CDH4: variants seen among roughly 807,000 people sequenced by gnomAD.
CDH4 encodes the protein cadherin 4.
CDH4 carries 33 observed loss-of-function variants against 86.0 expected under a neutral mutation model. That is an observed-to-expected ratio of 0.38 (90% CI 0.29 to 0.51). The LOEUF is 0.51. CDH4 is among the 20% of genes least tolerant of loss of function. The pLI, the probability that CDH4 is intolerant of heterozygous loss-of-function variation, is 0.86. For missense variants in CDH4, 1,114 were observed against 1,307.4 expected (o/e 0.85, Z 2.28); for synonymous variants, 555 against 549.4 (o/e 1.01, Z -0.14).
At position 61,444,600 on chromosome 20, in the gene CDH4, T is replaced by G. The variant is rs535384027; in HGVS notation, c.169+189663T>G. ...GTCTGTGTGTATATCTGTGTGTATATGTATGTGTGTTTCTCTGTGTGTGTG... is the reference window on the plus strand; with the variant it reads ...GTCTGTGTGTATATCTGTGTGTATAGGTATGTGTGTTTCTCTGTGTGTGTG... On this transcript the variant is annotated intron_variant, in intron 2 of 15. Transcript: ENST00000614565. 2.4e-4 allele frequency among the ~76,000 whole-genome samples: 31 copies of G among 127,098 alleles called. No homozygotes were observed. The East Asian group carries it at 7.7e-3, about 32-fold the overall frequency. The allele number at this position is 127,098 out of a possible 152,430, so 83.4% of individuals were successfully genotyped here.
chr20:61,373,360 G>T (rs926861063), intron 2 of CDH4, among the ~76,000 whole-genome samples: 4 of 152,244 alleles, frequency 2.6e-5, no homozygotes, highest in African/African-American at 9.6e-5. Context: ...TGCACCCGTT[G>T]AATGAAATGG....
chr20:61,636,033 G>A (rs1007133949), intron 2 of CDH4, among the ~76,000 whole-genome samples: 12 of 152,228 alleles, frequency 7.9e-5, no homozygotes, highest in African/African-American at 2.4e-4. Context: ...CAGGCAGGAC[G>A]CCAGCGGCTG....
At chr20:61,898,610 G>A (rs1194932203) in intron 8 of CDH4, among the ~76,000 whole-genome samples, 2 of 152,130 alleles carry the variant, frequency 1.3e-5, no homozygotes, top group Non-Finnish European at 2.9e-5. Context: ...CCACACACAT[G>A]CTCACGGAGG....
chr20:61,450,914 A>G (rs1380482296), intron 2 of CDH4, among the ~76,000 whole-genome samples: 1 of 151,742 alleles, frequency 6.6e-6, no homozygotes, highest in Non-Finnish European at 1.5e-5. Context: ...TAAATCCTGG[A>G]GCTGTGGACC....
At chr20:61,584,072 C>T (rs1173256781) in intron 2 of CDH4, among the ~76,000 whole-genome samples, 1 of 152,170 alleles carries the variant, frequency 6.6e-6, no homozygotes, top group Non-Finnish European at 1.5e-5. Context: ...AGGCATGAGA[C>T]TCACTTGAAC....
chr20:61,755,892 G>A (rs1487436213), intron 3 of CDH4, among the ~76,000 whole-genome samples: 1 of 152,194 alleles, frequency 6.6e-6, no homozygotes, highest in Non-Finnish European at 1.5e-5. Context: ...ACCAAACTCA[G>A]TCTGAAAAAG....
chr20:61,525,342 C>T (rs985592584), intron 2 of CDH4, among the ~76,000 whole-genome samples: 5 of 152,164 alleles, frequency 3.3e-5, no homozygotes, highest in African/African-American at 1.2e-4. Flanking sequence ...TGCAGCACTT[C>T]CTTGGGTTTG....
chr20:61,601,931 A>G (rs2086603917), intron 2 of CDH4, among the ~76,000 whole-genome samples: 1 of 152,230 alleles, frequency 6.6e-6, no homozygotes, highest in Admixed American at 6.5e-5. Context: ...AGACAGGAGC[A>G]TACCAGGAGG....
intron 2 of CDH4, among the ~76,000 whole-genome samples, chr20:61,270,489 C>G (rs796987189): frequency 5.3e-5 from 8 of 152,286 alleles, no homozygotes; most frequent in African/African-American, 1.9e-4. Context: ...AATTATAGAA[C>G]TTATGTTTTC....
At chr20:61,430,412 G>T (rs951861921) in intron 2 of CDH4, among the ~76,000 whole-genome samples, 2 of 152,160 alleles carry the variant, frequency 1.3e-5, no homozygotes, top group African/African-American at 2.4e-5. Context: ...CATTTATAGT[G>T]CAGAAGCTTG....
intron 3 of CDH4, among the ~76,000 whole-genome samples, chr20:61,770,226 C>T (rs4925198): frequency 6.6e-6 from 1 of 152,174 alleles, no homozygotes; most frequent in African/African-American, 2.4e-5. Context: ...TGGCTCCTTT[C>T]TAAGGAAGGC....
chr20:61,734,157 C>T (rs1202457852), intron 2 of CDH4, among the ~76,000 whole-genome samples: 1 of 152,240 alleles, frequency 6.6e-6, no homozygotes, highest in African/African-American at 2.4e-5. Flanking sequence ...GGATCCGCAT[C>T]ACTGCACCCG....
At chr20:61,913,978 C>T (rs529625924) in intron 9 of CDH4, among the ~76,000 whole-genome samples, 2 of 152,046 alleles carry the variant, frequency 1.3e-5, no homozygotes, top group African/African-American at 2.4e-5. Flanking sequence ...CCTCTGTCTA[C>T]GTGGTGAGAA....
intron 3 of CDH4, among the ~76,000 whole-genome samples, chr20:61,772,246 G>C (rs1347506514): frequency 6.6e-6 from 1 of 152,118 alleles, no homozygotes; most frequent in Non-Finnish European, 1.5e-5. Flanking sequence ...GGGGTCCAAG[G>C]CCAAATCCCA....
chr20:61,415,268 C>T (rs1206846114), intron 2 of CDH4, among the ~76,000 whole-genome samples: 1 of 152,154 alleles, frequency 6.6e-6, no homozygotes, highest in African/African-American at 2.4e-5. Context: ...GTGCTGCCTT[C>T]CAGTGGAAAC....
At chr20:61,387,913 C>G (rs1178774053) in intron 2 of CDH4, among the ~76,000 whole-genome samples, 2 of 152,166 alleles carry the variant, frequency 1.3e-5, no homozygotes, top group Non-Finnish European at 2.9e-5. Context: ...TCTCTGTTCC[C>G]TGCTTTGCTT....
At chr20:61,586,473 C>T (rs2086476456) in intron 2 of CDH4, among the ~76,000 whole-genome samples, 1 of 152,174 alleles carries the variant, frequency 6.6e-6, no homozygotes, top group Non-Finnish European at 1.5e-5. Flanking sequence ...TCTGTGGCCT[C>T]CAGCCAGGGA....
chr20:61,363,479 A>G (rs2084795414), intron 2 of CDH4, among the ~76,000 whole-genome samples: 1 of 150,806 alleles, frequency 6.6e-6, no homozygotes, highest in Admixed American at 6.6e-5. Flanking sequence ...AATGTTATAA[A>G]GAAGTCCTAC....
At chr20:61,609,588 G>A (rs1316711844) in intron 2 of CDH4, among the ~76,000 whole-genome samples, 2 of 152,170 alleles carry the variant, frequency 1.3e-5, no homozygotes, top group South Asian at 2.1e-4. Flanking sequence ...CACACGACAC[G>A]CAGCAAGTTC....
Sources: gnomAD v4.1 joint callset for allele counts (sites outside exome capture counted in the v4.1 genomes callset) on GRCh38, gnomAD v4.1.1 for gene constraint, MANE v1.5 for transcripts, NCBI Gene and HGNC (gene_info 2026-07-23, HGNC 2026-07-21) for gene names.